SLC24A3: variants seen among roughly 807,000 people sequenced by gnomAD.
SLC24A3 encodes sodium/potassium/calcium exchanger 3.
A neutral mutation model predicts 75.8 loss-of-function variants in SLC24A3; 28 were observed. The observed-to-expected ratio is 0.37, with a 90% CI of 0.27 to 0.51. The LOEUF is 0.51. SLC24A3 is among the 20% of genes least tolerant of loss of function. The pLI, the probability that SLC24A3 is intolerant of heterozygous loss-of-function variation, is 0.94. For missense variants in SLC24A3, 663 were observed against 847.8 expected (o/e 0.78, Z 2.71); for synonymous variants, 372 against 334.1 (o/e 1.11, Z -1.24).
chr20:19,261,822 A>G (rs1982999011), intron 1 of SLC24A3: 1 of 152,250 alleles, frequency 6.6e-6, no homozygotes, highest in Non-Finnish European at 1.5e-5. Context: ...GACAATGCTT[A>G]TATCTTCTTA....
At chr20:19,607,722 A>C (rs114433413) in intron 6 of SLC24A3, among the ~76,000 whole-genome samples, 1 of 151,558 alleles carries the variant, frequency 6.6e-6, no homozygotes, top group African/African-American at 2.4e-5. Flanking sequence ...CCAGACCTCC[A>C]CTCTTGGTCA....
intron 2 of SLC24A3, among the ~76,000 whole-genome samples, chr20:19,395,987 T>C (rs1335300540): frequency 6.6e-6 from 1 of 152,156 alleles, no homozygotes; most frequent in African/African-American, 2.4e-5. Flanking sequence ...GTTTGATTGA[T>C]TTTAATAACA....
intron 2 of SLC24A3, among the ~76,000 whole-genome samples, chr20:19,368,766 A>G (rs939622236): frequency 8.5e-5 from 13 of 152,230 alleles, no homozygotes; most frequent in Non-Finnish European, 1.9e-4. Flanking sequence ...TTCTGAAACA[A>G]AAATGGGGTC....
chr20:19,436,369 T>G lies in SLC24A3; in HGVS notation c.272-79119T>G, dbSNP rs190409827. On this transcript the variant is annotated intron_variant, in intron 2 of 16. Transcript: ENST00000328041. ...TTAGCATGACGCTCAGATTTATGTC[T>G]CTTGGACTTCACAGATGGATGTGAG... 3.3e-5 allele frequency among the ~76,000 whole-genome samples: 5 copies of G among 152,304 alleles called. 1 individual carries two copies. The South Asian group carries it at 6.2e-4, about 19-fold the overall frequency.
chr20:19,471,474 A>T (rs1987868869), intron 2 of SLC24A3, among the ~76,000 whole-genome samples: 1 of 152,156 alleles, frequency 6.6e-6, no homozygotes, highest in Non-Finnish European at 1.5e-5. Flanking sequence ...ATGTTTCTAG[A>T]TGTTGAATGC....
intron 2 of SLC24A3, among the ~76,000 whole-genome samples, chr20:19,319,351 C>G (rs1473741596): frequency 2.0e-5 from 3 of 152,194 alleles, no homozygotes; most frequent in Admixed American, 2.0e-4. Flanking sequence ...GTGCCTCAGA[C>G]CTATTGCGAT....
chr20:19,332,717 C>T (rs749965384), intron 2 of SLC24A3, among the ~76,000 whole-genome samples: 2 of 152,130 alleles, frequency 1.3e-5, no homozygotes, highest in Non-Finnish European at 2.9e-5. Flanking sequence ...GGGTTCCCAG[C>T]GCTCCCTAAA....
intron 2 of SLC24A3, among the ~76,000 whole-genome samples, chr20:19,363,919 GT>G (rs1329003999): frequency 2.0e-5 from 3 of 152,158 alleles, no homozygotes; most frequent in Non-Finnish European, 4.4e-5. Flanking sequence ...GAGGCTGAGT[GT>G]CTGTGGGGAG....
chr20:19,418,258 T>A (rs532947808), intron 2 of SLC24A3, among the ~76,000 whole-genome samples: 1 of 152,224 alleles, frequency 6.6e-6, no homozygotes, highest in Admixed American at 6.5e-5. Flanking sequence ...AGTGATAGCT[T>A]CAGGTCTAGG....
intron 2 of SLC24A3, among the ~76,000 whole-genome samples, chr20:19,395,662 G>A (rs77895317): frequency 8.4e-4 from 128 of 152,332 alleles, no homozygotes; most frequent in East Asian, 2.9e-3. Context: ...AGAACACTGC[G>A]GGAGCCAGAG....
intron 1 of SLC24A3, among the ~76,000 whole-genome samples, chr20:19,229,806 TG>T (rs2122145858): frequency 6.6e-6 from 1 of 152,290 alleles, no homozygotes; most frequent in South Asian, 2.1e-4. Context: ...TAAGAGCCTA[TG>T]TTTTTTTCCC....
intron 2 of SLC24A3, among the ~76,000 whole-genome samples, chr20:19,305,990 G>A (rs1984316907): frequency 6.6e-6 from 1 of 152,132 alleles, no homozygotes; most frequent in African/African-American, 2.4e-5. Flanking sequence ...TCTGACAGAA[G>A]TCTAATGTCT....
intron 3 of SLC24A3, among the ~76,000 whole-genome samples, chr20:19,578,365 C>T (rs1314874594): frequency 2.6e-5 from 4 of 151,546 alleles, no homozygotes; most frequent in African/African-American, 9.7e-5. Flanking sequence ...GTGCGTGTGC[C>T]TGTCCCATCT....
chr20:19,675,196 T>A (rs972047773), intron 9 of SLC24A3, among the ~76,000 whole-genome samples: 5 of 152,364 alleles, frequency 3.3e-5, no homozygotes, highest in Non-Finnish European at 5.9e-5. Flanking sequence ...AGAGATGTTC[T>A]GTGCTGCAAC....
At chr20:19,539,778 G>A (rs2030463787) in intron 3 of SLC24A3, among the ~76,000 whole-genome samples, 1 of 152,176 alleles carries the variant, frequency 6.6e-6, no homozygotes, top group African/African-American at 2.4e-5. Context: ...TATCTGTTTT[G>A]ACACTTACGT....
At chr20:19,421,759 T>C (rs1986922101) in intron 2 of SLC24A3, among the ~76,000 whole-genome samples, 1 of 152,182 alleles carries the variant, frequency 6.6e-6, no homozygotes, top group Non-Finnish European at 1.5e-5. Context: ...AGTGTGCTTT[T>C]TGGCCATGGG....
At chr20:19,277,677 G>C (rs898692448) in intron 1 of SLC24A3, among the ~76,000 whole-genome samples, 3 of 152,218 alleles carry the variant, frequency 2.0e-5, no homozygotes, top group Non-Finnish European at 4.4e-5. Context: ...TTGGAATCCA[G>C]AGGTGCTGCC....
At chr20:19,451,608 C>T (rs1011149869) in intron 2 of SLC24A3, among the ~76,000 whole-genome samples, 1 of 152,222 alleles carries the variant, frequency 6.6e-6, no homozygotes, top group Admixed American at 6.5e-5. Context: ...TGACTGGCAG[C>T]TCCCTGTCAT....
intron 6 of SLC24A3, among the ~76,000 whole-genome samples, chr20:19,633,936 C>T (rs1403603659): frequency 6.6e-6 from 1 of 152,150 alleles, no homozygotes; most frequent in Non-Finnish European, 1.5e-5. Flanking sequence ...CAATAAAATG[C>T]TGCTGCTGTT....
Sources: allele counts gnomAD v4.1 joint callset (sites outside exome capture counted in the v4.1 genomes callset), GRCh38; gene constraint gnomAD v4.1.1; transcripts MANE v1.5; gene names NCBI Gene and HGNC (gene_info 2026-07-23, HGNC 2026-07-21).